ADGRL3: variants seen among roughly 807,000 people sequenced by gnomAD.
ADGRL3 encodes the protein calcium-independent alpha-latrotoxin receptor 3.
Under a neutral mutation model 153.5 loss-of-function variants are expected in ADGRL3, and 62 were observed. The ratio of observed to expected loss-of-function variants is 0.40; its 90% CI spans 0.33 to 0.50. ADGRL3 has a LOEUF of 0.50. Ranked by LOEUF, ADGRL3 falls within the 20% of genes least tolerant of loss-of-function variation. The pLI, the probability that ADGRL3 is intolerant of heterozygous loss-of-function variation, is 0.47. For synonymous variants in ADGRL3, 710 were observed against 672.5 expected, an observed-to-expected ratio of 1.06 and a Z score of -0.86; for missense variants, 1,641 against 1,859.4, an observed-to-expected ratio of 0.88 and a Z score of 2.16.
chr4:61,642,228 T>G (rs1346731357), intron 5 of ADGRL3, among the ~76,000 whole-genome samples: 4 of 151,770 alleles, frequency 2.6e-5, no homozygotes, highest in Non-Finnish European at 4.4e-5. Flanking sequence ...TTTCTCCCAT[T>G]TTGTAGGTTG....
intron 17 of ADGRL3, among the ~76,000 whole-genome samples, chr4:61,965,147 A>G (rs891283691): frequency 6.6e-6 from 1 of 151,804 alleles, no homozygotes; most frequent in Non-Finnish European, 1.5e-5. Context: ...ATAAGCACCC[A>G]CCACCATGCC....
chr4:62,036,498 A>G (rs1003367911), intron 23 of ADGRL3, among the ~76,000 whole-genome samples: 2 of 152,088 alleles, frequency 1.3e-5, no homozygotes, highest in Non-Finnish European at 1.5e-5. Flanking sequence ...GCAAATCTGT[A>G]TATGTTCTGT....
intron 8 of ADGRL3, among the ~76,000 whole-genome samples, chr4:61,808,217 C>T (rs1209774187): frequency 1.3e-5 from 2 of 152,180 alleles, no homozygotes; most frequent in Non-Finnish European, 2.9e-5. Flanking sequence ...ACTGAAATCT[C>T]TCAATAGAGG....
chr4:61,371,629 G>A (rs2096530988), intron 1 of ADGRL3, among the ~76,000 whole-genome samples: 1 of 151,982 alleles, frequency 6.6e-6, no homozygotes, highest in South Asian at 2.1e-4. Context: ...TCCCTTTGAG[G>A]GTAACCCGAC....
At chr4:61,266,678 G>A (rs1382836509) in intron 1 of ADGRL3, among the ~76,000 whole-genome samples, 1 of 151,666 alleles carries the variant, frequency 6.6e-6, no homozygotes, top group Admixed American at 6.6e-5. Context: ...TTGTCATTTC[G>A]AATTTAATGC....
chr4:61,637,175 G>C (rs1211736931), intron 5 of ADGRL3, among the ~76,000 whole-genome samples: 3 of 152,116 alleles, frequency 2.0e-5, no homozygotes, highest in Non-Finnish European at 4.4e-5. Context: ...GGTCACCAAA[G>C]ATGTAATTAG....
At chr4:61,300,931 AT>A (rs1259264344) in intron 1 of ADGRL3, among the ~76,000 whole-genome samples, 1 of 151,692 alleles carries the variant, frequency 6.6e-6, no homozygotes, top group Non-Finnish European at 1.5e-5. Context: ...CGCCCGGCTA[AT>A]TTTTGTATTT....
chr4:61,883,910 C>G (rs2149504151), intron 9 of ADGRL3, among the ~76,000 whole-genome samples: 1 of 151,994 alleles, frequency 6.6e-6, no homozygotes, highest in Non-Finnish European at 1.5e-5. Context: ...AAGACAATTA[C>G]ACAATGTGTA....
chr4:61,499,353 T>G (rs1353551934), intron 3 of ADGRL3, among the ~76,000 whole-genome samples: 2 of 152,210 alleles, frequency 1.3e-5, no homozygotes, highest in African/African-American at 4.8e-5. Context: ...TCAAAATCTT[T>G]TCTTAATTCA....
intron 13 of ADGRL3, among the ~76,000 whole-genome samples, chr4:61,919,933 G>A (rs927596834): frequency 6.6e-6 from 1 of 152,154 alleles, no homozygotes; most frequent in Non-Finnish European, 1.5e-5. Context: ...GCCTCAGAAA[G>A]TAATTCTAAT....
Position 61,767,517 on chromosome 4 carries a change from G to A in ADGRL3, c.1399+33963G>A, listed in dbSNP as rs2097008931. Among the ~76,000 whole-genome samples the A allele has an allele frequency of 1.3e-5, 2 of 152,132 alleles. 1 individual carries two copies. The highest frequency in any genetic ancestry group is 4.1e-4 in the South Asian group (2 of 4,830). On this transcript the variant is annotated intron_variant, in intron 8 of 26. Coordinates refer to ENST00000683033, the MANE Select transcript of ADGRL3 (RefSeq NM_001387552.1). ...GAGAGTTACCCGAAGCTCGGCGTCC[G>A]TGATGGTCTAGGGGGCTTCCGAGGC...
chr4:61,722,600 T>G (rs1046445759), intron 6 of ADGRL3, among the ~76,000 whole-genome samples: 17 of 152,176 alleles, frequency 1.1e-4, no homozygotes, highest in African/African-American at 4.1e-4. Flanking sequence ...AAATATGATT[T>G]CTAGAACTGA....
chr4:61,802,516 A>G (rs1296941637), intron 8 of ADGRL3, among the ~76,000 whole-genome samples: 1 of 152,060 alleles, frequency 6.6e-6, no homozygotes, highest in Non-Finnish European at 1.5e-5. Flanking sequence ...TATTTTTCAT[A>G]GAACTCATAT....
chr4:61,775,996 GT>G, intron 8 of ADGRL3: 1 of 162,718 alleles, frequency 6.1e-6, no homozygotes, highest in Non-Finnish European at 1.3e-5. Flanking sequence ...CGCCTCGAGG[GT>G]TCATGCCATT....
chr4:61,722,932 C>G (rs576716859), intron 6 of ADGRL3, among the ~76,000 whole-genome samples: 1 of 152,128 alleles, frequency 6.6e-6, no homozygotes, highest in South Asian at 2.1e-4. Context: ...GAAATTAGAT[C>G]TAGATTCATT....
intron 1 of ADGRL3, among the ~76,000 whole-genome samples, chr4:61,291,559 T>C (rs936193445): frequency 2.0e-5 from 1 of 49,628 alleles, no homozygotes; most frequent in Non-Finnish European, 4.4e-5. Flanking sequence ...GGGAAGACTA[T>C]ATATATACAT....
At chr4:61,387,130 G>A (rs1170982983) in intron 2 of ADGRL3, among the ~76,000 whole-genome samples, 1 of 152,106 alleles carries the variant, frequency 6.6e-6, no homozygotes, top group Non-Finnish European at 1.5e-5. Context: ...ATCACACGTT[G>A]GTAGGACCCG....
rs183658854 is a variant in ADGRL3, at chr4:61,902,281, C to A, written c.1887+6447C>A. Among the ~76,000 whole-genome samples the A allele has an allele frequency of 3.2e-3, 484 of 152,132 alleles. 3 individuals are homozygous for A. Among genetic ancestry groups the A allele is most frequent in the South Asian group, 0.028 (135 of 4,822 alleles). The stretch of plus-strand genomic sequence containing the variant: ...ACCCAAGAATGGCTTTTGGTGACTC[C>A]CTTTCCTTCCCCTCCCGCACCCAGT... On this transcript the variant is annotated intron_variant, in intron 11 of 26. Transcript: ENST00000683033.
intron 17 of ADGRL3, among the ~76,000 whole-genome samples, chr4:61,957,073 A>G (rs772629279): frequency 7.2e-5 from 11 of 152,176 alleles, no homozygotes; most frequent in Non-Finnish European, 1.0e-4. Context: ...TTCTGTGAAG[A>G]AAGTCAATGG....
Sources: allele counts gnomAD v4.1 joint callset (sites outside exome capture counted in the v4.1 genomes callset), GRCh38; gene constraint gnomAD v4.1.1; transcripts MANE v1.5; gene names NCBI Gene and HGNC (gene_info 2026-07-23, HGNC 2026-07-21).